Variants in ZC3H6 observed in about 807,000 individuals in gnomAD.
ZC3H6 encodes the protein zinc finger CCCH-type containing 6.
A neutral mutation model predicts 107.7 loss-of-function variants in ZC3H6; 40 were observed. That is an observed-to-expected ratio of 0.37 (90% CI 0.29 to 0.48). ZC3H6 has a LOEUF of 0.48. ZC3H6 is among the 20% of genes least tolerant of loss of function. The pLI is 0.98. For synonymous variants in ZC3H6, 493 were observed against 487.9 expected (o/e 1.01, Z -0.14); for missense variants, 1,267 against 1,410.4 (o/e 0.90, Z 1.63).
intron 1 of ZC3H6, among the ~76,000 whole-genome samples, chr2:112,283,494 A>C (rs1573944544): frequency 6.6e-6 from 1 of 152,230 alleles, no homozygotes; most frequent in South Asian, 2.1e-4. Flanking sequence ...CATAAAAATC[A>C]ATCACAGTCT....
At chr2:112,302,976 T>A (rs1676410027) in intron 2 of ZC3H6, among the ~76,000 whole-genome samples, 1 of 152,058 alleles carries the variant, frequency 6.6e-6, no homozygotes, top group African/African-American at 2.4e-5. Context: ...ATATTTCTGT[T>A]TAGGTCAAAG....
chr2:112,339,832 CGTT>C lies in ZC3H6; in HGVS notation c.*7348_*7350del, dbSNP rs1433833370. ...AGATATCAGTTTAGTAGATTAATGA[CGTT>C]GTTAATCTGTCTGCTCAAAAGACAC... is the stretch of plus-strand genomic sequence containing the variant. On this transcript the variant is annotated 3_prime_UTR_variant, in exon 12 of 12. Coordinates refer to ENST00000409871, the MANE Select transcript of ZC3H6 (RefSeq NM_198581.3). 6.6e-6 allele frequency: 1 copy of C among 151,702 alleles called. No individual in the cohort carries two copies. Among genetic ancestry groups the C allele is most frequent in the African/African-American group, 2.4e-5 (1 of 41,242 alleles). 9.4% of individuals were successfully genotyped at this position (151,702 alleles called of 1,614,324 possible). A position where few individuals can be genotyped will look rare whatever the true frequency, so the allele number is the denominator to read the frequency against.
chr2:112,303,252 T>C lies in ZC3H6; in HGVS notation c.237T>C (p.Asp79=), dbSNP rs1235238086. The C allele has an allele frequency of 6.2e-7, 1 of 1,612,086 alleles. No individual in the cohort carries two copies. The highest frequency in any genetic ancestry group is 1.7e-5 in the Admixed American group (1 of 59,826). Residue 79 remains aspartate (D), a synonymous_variant, in exon 3 of 12, where the codon GAT becomes GAC. Transcript: ENST00000409871. ...AGCATAATTCCCCATCTAGTGATGATAGTTCGGACTACAGCCTTGATTCAG... is the reference window on the plus strand; with the variant it reads ...AGCATAATTCCCCATCTAGTGATGACAGTTCGGACTACAGCCTTGATTCAG... ...KHKHNSPSSD[D]SSDYSLDSDV...
intron 2 of ZC3H6, 112 bp from the exon 3 acceptor site, chr2:112,303,117 G>C: frequency 7.4e-7 from 1 of 1,351,274 alleles, no homozygotes; most frequent in Non-Finnish European, 1.0e-6. Context: ...GAGTCTCCTG[G>C]AATAATATAA....
At chr2:112,279,129 G>T (rs1686480285) in intron 1 of ZC3H6, among the ~76,000 whole-genome samples, 1 of 152,224 alleles carries the variant, frequency 6.6e-6, no homozygotes, top group Admixed American at 6.5e-5. Flanking sequence ...TAAGCCCAGA[G>T]CCTAGTTTCT....
chr2:112,290,132 T>C (rs901592661), intron 1 of ZC3H6, among the ~76,000 whole-genome samples: 2 of 152,230 alleles, frequency 1.3e-5, no homozygotes, highest in African/African-American at 4.8e-5. Context: ...AAACCTATAG[T>C]GTCTTATAAC....
At chr2:112,284,715 G>C (rs1686577337) in intron 1 of ZC3H6, among the ~76,000 whole-genome samples, 1 of 152,134 alleles carries the variant, frequency 6.6e-6, no homozygotes, top group Non-Finnish European at 1.5e-5. Flanking sequence ...TTATATGTGT[G>C]TGTATACAAA....
At chr2:112,312,184 T>C in intron 5 of ZC3H6, 1 of 382,834 alleles carries the variant, frequency 2.6e-6, no homozygotes, top group East Asian at 4.6e-5. Flanking sequence ...AATTGCTAAG[T>C]TTAAAAGCAA....
chr2:112,324,160 C>T lies in ZC3H6; in HGVS notation c.1349C>T (p.Ala450Val). 6.4e-7 allele frequency: 1 copy of T among 1,572,046 alleles called. No individual in the cohort carries two copies. Among genetic ancestry groups the T allele is most frequent in the Non-Finnish European group, 8.7e-7 (1 of 1,153,640 alleles). Residue 450 changes from alanine (A) to valine (V), a missense_variant, in exon 10 of 12, where the codon GCA becomes GTA. By Grantham distance (64) the Ala-to-Val change is moderately conservative. Transcript: ENST00000409871. ...LAHKIGRKPPAFYTSASPPGP... is the reference protein window; with the variant it reads ...LAHKIGRKPPVFYTSASPPGP... The stretch of plus-strand genomic sequence containing the variant: ...ATTATTTCTGTCTACAGGCCACCAG[C>T]ATTTTATACCAGTGCCTCACCACCA...
chr2:112,332,318 G>A lies in ZC3H6; in HGVS notation c.3400G>A (p.Val1134Ile). ...GGTCCCAGCAGTGCACAGCCTTCCT[G>A]TTCAGGCATTAACAGGCTTAATTAG... is the stretch of plus-strand genomic sequence containing the variant. Reference protein sequence around the residue: ...VQVPAVHSLPVQALTGLIRPQ... With the variant: ...VQVPAVHSLPIQALTGLIRPQ... Residue 1134 changes from valine (V) to isoleucine (I), a missense_variant, in exon 12 of 12, where the codon GTT becomes ATT. By Grantham distance (29) the Val-to-Ile change is conservative. This residue lies in a region of ZC3H6 where 925 missense variants were observed against 1,025.7 expected (regional missense o/e 0.90). Transcript: ENST00000409871. 1 of 1,613,972 alleles carries A rather than the reference G, an allele frequency of 6.2e-7. No homozygotes were observed. Among genetic ancestry groups the A allele is most frequent in the South Asian group, 1.1e-5 (1 of 91,086 alleles).
chr2:112,318,095 A>G (rs1676735522), intron 7 of ZC3H6, among the ~76,000 whole-genome samples: 2 of 152,122 alleles, frequency 1.3e-5, no homozygotes, highest in Non-Finnish European at 2.9e-5. Context: ...TCTGATGTTT[A>G]TTTTTCCAGA....
At chr2:112,299,792 C>A (rs1315676493) in intron 1 of ZC3H6, 57 bp from the exon 2 acceptor site, 28 of 1,235,400 alleles carry the variant, frequency 2.3e-5, no homozygotes, top group Non-Finnish European at 2.9e-5. Flanking sequence ...TTTTGAAAAT[C>A]TTTCTGTAAG....
chr2:112,296,724 G>T (rs1558948957), intron 1 of ZC3H6, among the ~76,000 whole-genome samples: 1 of 152,148 alleles, frequency 6.6e-6, no homozygotes, highest in African/African-American at 2.4e-5. Flanking sequence ...CTTCTATGAT[G>T]CAAGAGTTAT....
rs1686404772 is a variant in ZC3H6, at chr2:112,275,856, G to GT, written c.-138dup. The GT allele has an allele frequency of 1.6e-6, 1 of 615,002 alleles. No individual in the cohort carries two copies. The highest frequency in any genetic ancestry group is 2.8e-6 in the Non-Finnish European group (1 of 358,772). 38.1% of individuals were successfully genotyped at this position (615,002 alleles called of 1,614,324 possible). A position where few individuals can be genotyped will look rare whatever the true frequency, so the allele number is the denominator to read the frequency against. On this transcript the variant is annotated 5_prime_UTR_variant, in exon 1 of 12. Coordinates refer to ENST00000409871, the MANE Select transcript of ZC3H6 (RefSeq NM_198581.3). ...GTGTCTGTGTCGCTCACTAGTAACC[G>GT]TGAGTTTTTACCACTTCGTCACCTG...
In ZC3H6 at chr2:112,309,973, C is replaced by CCTACAGTGATGACAACTTCGGTAA; in HGVS notation, c.444_467dup (p.Ser152_Tyr159dup). 3.7e-6 allele frequency: 6 copies of CCTACAGTGATGACAACTTCGGTAA among 1,612,664 alleles called. No individual in the cohort carries two copies. Among genetic ancestry groups the CCTACAGTGATGACAACTTCGGTAA allele is most frequent in the South Asian group, 1.1e-5 (1 of 90,770 alleles). On this transcript the variant is annotated inframe_insertion, in exon 4 of 12. Transcript: ENST00000409871. ...AGTAAAGAATATGATGAGTACAGCA[C>CCTACAGTGATGACAACTTCGGTAA]CTACAGTGATGACAACTTCGGTAAC...
chr2:112,328,712 G>A (rs1186951799), intron 11 of ZC3H6, among the ~76,000 whole-genome samples: 8 of 152,090 alleles, frequency 5.3e-5, no homozygotes, highest in Non-Finnish European at 1.0e-4. Context: ...AGGCCAAGGC[G>A]GGTAGATCAC....
chr2:112,298,180 G>A (rs1676279767), intron 1 of ZC3H6, among the ~76,000 whole-genome samples: 1 of 151,686 alleles, frequency 6.6e-6, no homozygotes, highest in South Asian at 2.1e-4. Flanking sequence ...TTCAGATTAT[G>A]AAAAACATTT....
At position 112,324,952 on chromosome 2, in the gene ZC3H6, T is replaced by G; in HGVS notation, c.1853-12T>G. The G allele has an allele frequency of 6.3e-7, 1 of 1,583,614 alleles. No homozygotes were observed. Among genetic ancestry groups the G allele is most frequent in the Non-Finnish European group, 8.6e-7 (1 of 1,163,876 alleles). On this transcript the variant is annotated splice_polypyrimidine_tract_variant and intron_variant, in intron 10 of 11. Transcript: ENST00000409871. ...CACTCAATGACTGTCTCTCCCCATG[T>G]TATACATGTAGATGGGATGTGGCAT...
At chr2:112,279,271 C>T (rs1325985531) in intron 1 of ZC3H6, among the ~76,000 whole-genome samples, 2 of 152,100 alleles carry the variant, frequency 1.3e-5, no homozygotes, top group Non-Finnish European at 2.9e-5. Flanking sequence ...GGATGTTGAC[C>T]CAATTAAAAC....
Sources: gnomAD v4.1 joint callset for allele counts (sites outside exome capture counted in the v4.1 genomes callset) on GRCh38, gnomAD v4.1.1 for gene constraint, gnomAD v4.1.1 regional missense constraint, MANE v1.5 for transcripts, NCBI Gene and HGNC (gene_info 2026-07-23, HGNC 2026-07-21) for gene names.